ZNF45: variants seen among roughly 807,000 people sequenced by gnomAD.
The protein encoded by ZNF45 is zinc finger protein 45, also known as BRC1744.
ZNF45 carries 4 observed loss-of-function variants against 12.0 expected under a neutral mutation model. The ratio of observed to expected loss-of-function variants is 0.33; its 90% CI spans 0.16 to 0.76. The LOEUF (loss-of-function observed/expected upper bound fraction) is 0.76, where lower values mean the gene tolerates loss of function less well. Ranked by LOEUF, ZNF45 falls within the 30% of genes least tolerant of loss-of-function variation. The pLI, the probability that ZNF45 is intolerant of heterozygous loss-of-function variation, is 0.60. For missense variants in ZNF45, 700 were observed against 813.0 expected (o/e 0.86, Z 1.69); for synonymous variants, 272 against 279.6 (o/e 0.97, Z 0.27).
At position 43,916,153 on chromosome 19, in the gene ZNF45, T is replaced by TC. The variant is rs1418736875; in HGVS notation, c.236-954dup. The stretch of plus-strand genomic sequence containing the variant: ...TTTTTTGAGACAGAGTCTCACTCTG[T>TC]CACCCAGGCTGGAATGCAGTGGCAC... On this transcript the variant is annotated intron_variant, in intron 9 of 9. Coordinates refer to ENST00000269973, the MANE Select transcript of ZNF45 (RefSeq NM_003425.4). 2.0e-5 allele frequency among the ~76,000 whole-genome samples: 3 copies of TC among 152,100 alleles called. No individual in the cohort carries two copies. The East Asian group carries it at 5.8e-4, about 29-fold the overall frequency.
intron 3 of ZNF45, among the ~76,000 whole-genome samples, chr19:43,930,213 T>C (rs1974011293): frequency 6.6e-6 from 1 of 152,140 alleles, no homozygotes; most frequent in African/African-American, 2.4e-5. Context: ...GTGAACTCTC[T>C]CTCTGAAGCC....
intron 9 of ZNF45, 102 bp downstream of exon 9, chr19:43,918,768 A>C: frequency 1.1e-6 from 1 of 914,556 alleles, no homozygotes; most frequent in Non-Finnish European, 1.7e-6. Context: ...GGGGGAAAAA[A>C]ACTGTTCTAG....
At chr19:43,916,203 C>T (rs1430343327) in intron 9 of ZNF45, among the ~76,000 whole-genome samples, 3 of 152,096 alleles carry the variant, frequency 2.0e-5, no homozygotes, top group Admixed American at 6.5e-5. Context: ...GCAGCCTCAA[C>T]CTCCTGACTC....
At position 43,913,216 on chromosome 19, in the gene ZNF45, T is replaced by A; in HGVS notation, c.*171A>T. 3.3e-6 allele frequency: 2 copies of A among 609,036 alleles called. No homozygotes were observed. Among genetic ancestry groups the A allele is most frequent in the South Asian group, 6.5e-5 (2 of 31,002 alleles). The allele number at this position is 609,036 out of a possible 1,614,324, so 37.7% of individuals were successfully genotyped here. A position where few individuals can be genotyped will look rare whatever the true frequency, so the allele number is the denominator to read the frequency against. ...CCTCTTGTCTGCATGTATCAGCTAA[T>A]GGTCAATGTTCTGAATGCAGTCCAT... On this transcript the variant is annotated 3_prime_UTR_variant, in exon 10 of 10. Coordinates refer to ENST00000269973, the MANE Select transcript of ZNF45 (RefSeq NM_003425.4).
At chr19:43,920,285 G>C (rs1973021708) in intron 7 of ZNF45, among the ~76,000 whole-genome samples, 1 of 152,088 alleles carries the variant, frequency 6.6e-6, no homozygotes, top group South Asian at 2.1e-4. Context: ...AAAATTTCTA[G>C]TGATGATTTT....
chr19:43,916,564 C>T (rs1178781592), intron 9 of ZNF45, among the ~76,000 whole-genome samples: 6 of 152,120 alleles, frequency 3.9e-5, no homozygotes, highest in Non-Finnish European at 8.8e-5. Context: ...TTTTTTATGT[C>T]TCTGTTGAAT....
Position 43,914,353 on chromosome 19 carries a change from C to T in ZNF45, c.1083G>A (p.Lys361=), listed in dbSNP as rs543191059. 9.3e-6 allele frequency: 15 copies of T among 1,608,570 alleles called. No individual in the cohort carries two copies. In the East Asian group the frequency reaches 1.6e-4, roughly 17 times the overall value. ...CRIHTGEKPY[K]CEECGKGFSV... ...TGAAACCTTTCCCACACTCCTCACA[C>T]TTATAGGGTTTCTCTCCTGTGTGGA... Residue 361 remains lysine, a synonymous_variant, in exon 10 of 10, where the codon AAG becomes AAA. Transcript: ENST00000269973.
At position 43,913,142 on chromosome 19, in the gene ZNF45, C is replaced by CAGCA. The variant is rs1972341907; in HGVS notation, c.*244_*245insTGCT. 1 of 383,668 alleles carries CAGCA rather than the reference C, an allele frequency of 2.6e-6. No homozygotes were observed. The highest frequency in any genetic ancestry group is 4.7e-6 in the Non-Finnish European group (1 of 215,044). 23.8% of individuals were successfully genotyped at this position (383,668 alleles called of 1,614,324 possible). A position where few individuals can be genotyped will look rare whatever the true frequency, so the allele number is the denominator to read the frequency against. On this transcript the variant is annotated 3_prime_UTR_variant, in exon 10 of 10. Transcript: ENST00000269973. ...TCTAGTGGAACAGAATTCAGCATTT[C>CAGCA]TATCTTAGTACTTCTGATTTACTCC...
Position 43,914,008 on chromosome 19 carries a change from T to C in ZNF45, c.1428A>G (p.Thr476=), listed in dbSNP as rs765013832. The C allele has an allele frequency of 6.2e-7, 1 of 1,612,348 alleles. No individual in the cohort carries two copies. The highest frequency in any genetic ancestry group is 8.5e-7 in the Non-Finnish European group (1 of 1,179,542). The change falls in exon 10 of 10, where the codon ACA becomes ACG. Residue 476 remains threonine (T), a synonymous_variant. Coordinates refer to ENST00000269973, the MANE Select transcript of ZNF45 (RefSeq NM_003425.4). ...HTGEKPYKCG[T]CGKGFSRSSD... ...AGCTCCGACTGAAGCCCTTCCCACA[T>C]GTACCACATTTGTAGGGTTTCTCTC...
intron 6 of ZNF45, 192 bp from the exon 7 acceptor site, chr19:43,922,409 G>T (rs16976897): frequency 0.02 from 9,839 of 495,094 alleles, 750 homozygotes; most frequent in African/African-American, 0.17. Context: ...CCCTTTGGCT[G>T]TAAGACCCTG....
intron 7 of ZNF45, 65 bp from the exon 8 acceptor site, chr19:43,919,764 T>C: frequency 6.4e-7 from 1 of 1,554,226 alleles, no homozygotes; most frequent in Middle Eastern, 1.7e-4. Context: ...GGGATAGCAC[T>C]GAGAAATGTG....
At chr19:43,920,599 G>GTT (rs61470860) in intron 7 of ZNF45, among the ~76,000 whole-genome samples, 1,602 of 76,060 alleles carry the variant, frequency 0.021, 109 homozygotes, top group Middle Eastern at 0.054. Context: ...TATCGTATTG[G>GTT]TTTTTTTTTT....
At position 43,925,442 on chromosome 19, in the gene ZNF45, A is replaced by C. The variant is rs1555748433; in HGVS notation, c.-383T>G. ...GAAAAATGGAGTTCTTGTAGCTCTC[A>C]GGGTATGATTCTGATTCTATGGAGG... On this transcript the variant is annotated 5_prime_UTR_variant, in exon 4 of 10. Coordinates refer to ENST00000269973, the MANE Select transcript of ZNF45 (RefSeq NM_003425.4). 12 of 152,168 alleles carry C rather than the reference A, an allele frequency of 7.9e-5. No homozygotes were observed. The highest frequency in any genetic ancestry group is 2.9e-5 in the Non-Finnish European group (2 of 68,020). 9.4% of individuals were successfully genotyped at this position (152,168 alleles called of 1,614,324 possible).
rs778480302 is a variant in ZNF45, at chr19:43,915,101, G to A, written c.335C>T (p.Thr112Ile). 1 of 1,607,978 alleles carries A rather than the reference G, an allele frequency of 6.2e-7. No homozygotes were observed. The highest frequency in any genetic ancestry group is 1.3e-5 in the African/African-American group (1 of 74,532). Residue 112 changes from threonine to isoleucine, a missense_variant, in exon 10 of 10, where the codon ACA (threonine) becomes ATA (isoleucine). Transcript: ENST00000269973. Reference sequence around the variant, plus strand: ...ATCTTGATACTTGATTAACTCTCTTGTAATCTGTTGCCAGATCTGGGAGCA... The same window carrying A: ...ATCTTGATACTTGATTAACTCTCTTATAATCTGTTGCCAGATCTGGGAGCA... ...LFCSQIWQQITRELIKYQDSV... is the reference protein window; with the variant it reads ...LFCSQIWQQIIRELIKYQDSV...
Position 43,924,495 on chromosome 19 carries a change from A to T in ZNF45, c.-199T>A, listed in dbSNP as rs563250323. The T allele has an allele frequency of 2.6e-5, 4 of 152,382 alleles. No individual in the cohort carries two copies. Among genetic ancestry groups the T allele is most frequent in the African/African-American group, 9.6e-5 (4 of 41,580 alleles). The allele number at this position is 152,382 out of a possible 1,614,324, so 9.4% of individuals were successfully genotyped here. Reference sequence around the variant, plus strand: ...CTGAGGCTTGGTGAGGTCAAGAGGCAGGAACAGTACCTGAATCCAGCTTTC... The same window carrying T: ...CTGAGGCTTGGTGAGGTCAAGAGGCTGGAACAGTACCTGAATCCAGCTTTC... On this transcript the variant is annotated 5_prime_UTR_variant, in exon 5 of 10. Transcript: ENST00000269973.
rs201103317 is a variant in ZNF45, at chr19:43,918,962, C to T, written c.143G>A (p.Gly48Glu). 17 of 1,613,728 alleles carry T rather than the reference C, an allele frequency of 1.1e-5. No homozygotes were observed. The highest frequency in any genetic ancestry group is 1.4e-5 in the Non-Finnish European group (17 of 1,179,816). ...LENFRNVVSV[G>E]HQSTPDGLPQ... Reference sequence around the variant, plus strand: ...TAGGCCATCTGGTGTGGACTGATGCCCTGTGAAAAGGCAAGGACATAGGTT... The same window carrying T: ...TAGGCCATCTGGTGTGGACTGATGCTCTGTGAAAAGGCAAGGACATAGGTT... The change falls in exon 9 of 10, where the codon GGG (glycine) becomes GAG (glutamate). Residue 48 changes from glycine to glutamate, a missense_variant and splice_region_variant. Transcript: ENST00000269973.
At chr19:43,915,248 T>G in intron 9 of ZNF45, 48 bp from the exon 10 acceptor site, 1 of 1,442,508 alleles carries the variant, frequency 6.9e-7, no homozygotes, top group Non-Finnish European at 9.1e-7. Context: ...AATAATGTTT[T>G]GTTCCAAGAT....
chr19:43,914,222 T>C lies in ZNF45; in HGVS notation c.1214A>G (p.Asp405Gly). The C allele has an allele frequency of 6.2e-7, 1 of 1,607,842 alleles. No individual in the cohort carries two copies. Among genetic ancestry groups the C allele is most frequent in the Non-Finnish European group, 8.5e-7 (1 of 1,176,258 alleles). Reference sequence around the variant, plus strand: ...CTCTCCAGTATGGCCTCTTTGATGGTCCAGCAGATTTGAGGCCCGGCAGAA... The same window carrying C: ...CTCTCCAGTATGGCCTCTTTGATGGCCCAGCAGATTTGAGGCCCGGCAGAA... ...KGFCRASNLL[D>G]HQRGHTGEKP... The change falls in exon 10 of 10, where the codon GAC (aspartate) becomes GGC (glycine). Residue 405 changes from aspartate to glycine, a missense_variant. Asp to Gly is a moderately conservative substitution (Grantham distance 94). Transcript: ENST00000269973.
chr19:43,919,528 A>C, intron 8 of ZNF45, 45 bp downstream of exon 8: 2 of 1,593,338 alleles, frequency 1.3e-6, no homozygotes, highest in South Asian at 2.2e-5. Flanking sequence ...GGACAGAGAG[A>C]CAACAGAGGG....
Sources: allele counts gnomAD v4.1 joint callset (sites outside exome capture counted in the v4.1 genomes callset), GRCh38; gene constraint gnomAD v4.1.1; transcripts MANE v1.5; gene names NCBI Gene and HGNC (gene_info 2026-07-23, HGNC 2026-07-21).